Variants in AFDN observed in about 807,000 individuals in gnomAD.
AFDN encodes the protein afadin, adherens junction formation factor.
In AFDN, 68 loss-of-function variants were observed where a neutral mutation model predicts 216.6. The ratio of observed to expected loss-of-function variants is 0.31; its 90% CI spans 0.26 to 0.38. The LOEUF is 0.38. Among genes scored for constraint, AFDN ranks in the 10% least tolerant of loss-of-function variants. The pLI is 1.00. For synonymous variants in AFDN, 868 were observed against 853.7 expected (o/e 1.02, Z -0.29); for missense variants, 2,136 against 2,342.0 (o/e 0.91, Z 1.82).
chr6:167,913,589 A>G (rs953783314), intron 16 of AFDN, 166 bp downstream of exon 16: 4 of 593,608 alleles, frequency 6.7e-6, no homozygotes, highest in Non-Finnish European at 1.2e-5. Flanking sequence ...TGCAACCTTT[A>G]TCGGCATTTC....
chr6:167,930,922 C>T (rs1000246787), intron 23 of AFDN, among the ~76,000 whole-genome samples: 8 of 152,132 alleles, frequency 5.3e-5, no homozygotes, highest in Non-Finnish European at 1.0e-4. Flanking sequence ...GGATTAGAGA[C>T]GCTCAGAAGT....
At chr6:167,934,590 G>T (rs1187145923) in intron 23 of AFDN, among the ~76,000 whole-genome samples, 1 of 152,138 alleles carries the variant, frequency 6.6e-6, no homozygotes, top group Non-Finnish European at 1.5e-5. Flanking sequence ...GGTCATTTCA[G>T]CCACTTATTG....
chr6:167,887,000 G>C (rs187381599), intron 6 of AFDN, among the ~76,000 whole-genome samples: 6 of 129,216 alleles, frequency 4.6e-5, no homozygotes, highest in Admixed American at 3.3e-4. Context: ...GGGTGACAGA[G>C]CGAGACTGTA....
intron 6 of AFDN, 106 bp from the exon 7 acceptor site, chr6:167,889,109 C>G: frequency 1.4e-6 from 1 of 692,602 alleles, no homozygotes; most frequent in Non-Finnish European, 2.4e-6. Flanking sequence ...GTGCTTAATT[C>G]TACGGTGACA....
chr6:167,896,945 A>G lies in AFDN; in HGVS notation c.1290A>G (p.Thr430=). 2 of 1,613,424 alleles carry G rather than the reference A, an allele frequency of 1.2e-6. No individual in the cohort carries two copies. Among genetic ancestry groups the G allele is most frequent in the Non-Finnish European group, 1.7e-6 (2 of 1,179,368 alleles). ...RLQLSVTEVG[T]EKLDDNSIQL... is the part of the protein sequence containing the mutation. ...AGTTAAGTGTTACTGAAGTTGGGAC[A>G]GAAAAGTTGGATGACAACTCTATCC... Residue 430 remains threonine, a synonymous_variant, in exon 10 of 34, where the codon ACA becomes ACG. Transcript: ENST00000683244.
At chr6:167,862,774 G>A (rs2128223399) in intron 1 of AFDN, among the ~76,000 whole-genome samples, 1 of 152,344 alleles carries the variant, frequency 6.6e-6, no homozygotes, top group Admixed American at 6.5e-5. Flanking sequence ...ACCAGACTAA[G>A]AGGTTGTTGA....
At chr6:167,844,496 A>C (rs1157077050) in intron 1 of AFDN, among the ~76,000 whole-genome samples, 1 of 152,172 alleles carries the variant, frequency 6.6e-6, no homozygotes, top group African/African-American at 2.4e-5. Context: ...CATTTTCTTA[A>C]CTATTAATGA....
intron 21 of AFDN, among the ~76,000 whole-genome samples, chr6:167,922,265 G>C (rs779771927): frequency 6.6e-6 from 1 of 152,176 alleles, no homozygotes; most frequent in Non-Finnish European, 1.5e-5. Flanking sequence ...GAAAATATCA[G>C]AGATATTCTT....
At chr6:167,952,520 T>A in intron 30 of AFDN, 1 of 985,408 alleles carries the variant, frequency 1.0e-6, no homozygotes, top group Non-Finnish European at 1.2e-6. Flanking sequence ...ATAATCTTGA[T>A]CCAGGGTAGG....
At chr6:167,860,286 A>G (rs1262908712) in intron 1 of AFDN, among the ~76,000 whole-genome samples, 2 of 147,256 alleles carry the variant, frequency 1.4e-5, no homozygotes, top group African/African-American at 5.0e-5. Flanking sequence ...TTATAAATTT[A>G]AGTTTTGCTT....
chr6:167,963,076 T>C (rs1277846816), intron 31 of AFDN: 1 of 1,069,034 alleles, frequency 9.4e-7, no homozygotes, highest in African/African-American at 1.6e-5. Flanking sequence ...ACAGGAAAAT[T>C]TAGTATGTAA....
At chr6:167,891,958 A>T (rs185803112) in intron 8 of AFDN, among the ~76,000 whole-genome samples, 2 of 152,200 alleles carry the variant, frequency 1.3e-5, no homozygotes, top group South Asian at 4.1e-4. Flanking sequence ...TGTGAATTAC[A>T]TTTTTTCTTC....
At chr6:167,942,855 C>T (rs1794858025) in intron 23 of AFDN, among the ~76,000 whole-genome samples, 1 of 152,140 alleles carries the variant, frequency 6.6e-6, no homozygotes, top group African/African-American at 2.4e-5. Context: ...ATATATCATG[C>T]AGGTAGTTTT....
chr6:167,966,517 C>G (rs1047829291), intron 32 of AFDN, among the ~76,000 whole-genome samples: 1 of 152,188 alleles, frequency 6.6e-6, no homozygotes, highest in East Asian at 1.9e-4. Context: ...AGTTCCATTT[C>G]TTTGATCAGC....
intron 33 of AFDN, 149 bp from the exon 34 acceptor site, chr6:167,969,633 C>A: frequency 1.5e-6 from 1 of 687,962 alleles, no homozygotes; most frequent in Non-Finnish European, 2.3e-6. Flanking sequence ...TTAAATACAG[C>A]CCCTGTGATT....
At chr6:167,892,974 G>C (rs1316083709) in intron 8 of AFDN, among the ~76,000 whole-genome samples, 2 of 152,122 alleles carry the variant, frequency 1.3e-5, no homozygotes, top group African/African-American at 4.8e-5. Flanking sequence ...CAAAACAATG[G>C]ATACAAAAGG....
chr6:167,965,628 C>T, intron 31 of AFDN, 129 bp from the exon 32 acceptor site: 1 of 830,570 alleles, frequency 1.2e-6, no homozygotes, highest in Non-Finnish European at 1.8e-6. Context: ...GCTTCTGTTA[C>T]ATAGTAATTG....
At chr6:167,891,566 T>A (rs1282282741) in intron 8 of AFDN, among the ~76,000 whole-genome samples, 1 of 152,126 alleles carries the variant, frequency 6.6e-6, no homozygotes, top group East Asian at 1.9e-4. Context: ...CAGACTACAT[T>A]TATTTTCACA....
chr6:167,897,233 G>A (rs1195793835), intron 10 of AFDN, among the ~76,000 whole-genome samples: 1 of 152,154 alleles, frequency 6.6e-6, no homozygotes, highest in Non-Finnish European at 1.5e-5. Flanking sequence ...TCTAAAAGAT[G>A]GTGATGATAC....
Sources: gnomAD v4.1 joint callset for allele counts (sites outside exome capture counted in the v4.1 genomes callset) on GRCh38, gnomAD v4.1.1 for gene constraint, MANE v1.5 for transcripts, NCBI Gene and HGNC (gene_info 2026-07-23, HGNC 2026-07-21) for gene names.